The following CTDSPL2 variants were observed in gnomAD, a reference collection of about 807,000 sequenced individuals.
CTDSPL2 encodes CTD small phosphatase like 2, also known as CTD small phosphatase-like protein 2.
A neutral mutation model predicts 60.0 loss-of-function variants in CTDSPL2; 5 were observed. That is an observed-to-expected ratio of 0.08 (90% confidence interval 0.04 to 0.18). The LOEUF is 0.18. CTDSPL2 is among the 10% of genes least tolerant of loss of function. CTDSPL2 has a pLI of 1.00. For missense variants in CTDSPL2, 370 were observed against 548.8 expected (o/e 0.67, Z 3.26); for synonymous variants, 186 against 189.3 (o/e 0.98, Z 0.14).
chr15:44,465,493 G>T lies in CTDSPL2; in HGVS notation c.186+6293G>T, dbSNP rs1359768141. ...AGAAACACATGGCTAATACTTTCAT[G>T]TGAAACAAAAATCACCCTTAATTTA... is the stretch of plus-strand genomic sequence containing the variant. On this transcript the variant is annotated intron_variant, in intron 2 of 12. Coordinates refer to ENST00000260327, the MANE Select transcript of CTDSPL2 (RefSeq NM_016396.3). Among the ~76,000 whole-genome samples, 3 of 152,010 alleles carry T rather than the reference G, an allele frequency of 2.0e-5. No homozygotes were observed. In the East Asian group the frequency reaches 5.8e-4, roughly 29 times the overall value.
chr15:44,445,327 A>C (rs139432403), intron 1 of CTDSPL2, among the ~76,000 whole-genome samples: 2 of 152,050 alleles, frequency 1.3e-5, no homozygotes, highest in East Asian at 3.9e-4. Flanking sequence ...AGTTGGGACT[A>C]TAGGCATGCA....
intron 1 of CTDSPL2, among the ~76,000 whole-genome samples, chr15:44,430,681 G>A (rs2079839028): frequency 1.3e-5 from 2 of 152,186 alleles, no homozygotes; most frequent in East Asian, 1.9e-4. Context: ...GCATAAAGTA[G>A]AAAAGACACT....
chr15:44,456,613 C>T (rs915810254), intron 1 of CTDSPL2, among the ~76,000 whole-genome samples: 11 of 151,904 alleles, frequency 7.2e-5, no homozygotes, highest in Non-Finnish European at 1.5e-5. Context: ...TTTTTTACTG[C>T]GTCTATTTGA....
intron 1 of CTDSPL2, among the ~76,000 whole-genome samples, chr15:44,433,487 C>CT (rs2079906626): frequency 7.3e-6 from 1 of 137,060 alleles, no homozygotes; most frequent in South Asian, 2.3e-4. Context: ...CACACACACA[C>CT]TTTTTTTTCT....
intron 8 of CTDSPL2, chr15:44,501,895 G>A (rs1387933369): frequency 4.7e-6 from 2 of 422,120 alleles, no homozygotes; most frequent in Non-Finnish European, 9.3e-6. Context: ...CTTTGGGTTA[G>A]GGTTCCCCCA....
intron 1 of CTDSPL2, among the ~76,000 whole-genome samples, chr15:44,454,848 A>C (rs1393078180): frequency 6.6e-6 from 1 of 152,198 alleles, no homozygotes; most frequent in Non-Finnish European, 1.5e-5. Context: ...TATAGTTTGA[A>C]GTCAGGTAGC....
At chr15:44,503,787 GT>G (rs2081415661) in intron 8 of CTDSPL2, 1 of 152,246 alleles carries the variant, frequency 6.6e-6, no homozygotes, top group Non-Finnish European at 1.5e-5. Context: ...TAGCCAGTCA[GT>G]GGCTTTCTGA....
chr15:44,498,133 TCTG>T (rs1448509279), intron 7 of CTDSPL2, among the ~76,000 whole-genome samples: 1 of 152,218 alleles, frequency 6.6e-6, no homozygotes, highest in Non-Finnish European at 1.5e-5. Context: ...ATTTTTAAAA[TCTG>T]TTTACTTTTT....
intron 1 of CTDSPL2, among the ~76,000 whole-genome samples, chr15:44,454,661 C>T (rs1289164149): frequency 6.6e-6 from 1 of 152,172 alleles, no homozygotes; most frequent in African/African-American, 2.4e-5. Context: ...CCAGTTTTCC[C>T]AGGACCGTTT....
At position 44,524,202 on chromosome 15, in the gene CTDSPL2, G is replaced by GGGGAGAGA; in HGVS notation, c.*29_*36dup. ...ACAAAGACTTGTCAAATCACTGAAG[G>GGGGAGAGA]GGGAGAGAATGCAGGACCCTTTTGG... On this transcript the variant is annotated 3_prime_UTR_variant, in exon 13 of 13. Coordinates refer to ENST00000260327, the MANE Select transcript of CTDSPL2 (RefSeq NM_016396.3). The GGGGAGAGA allele has an allele frequency of 6.3e-7, 1 of 1,587,344 alleles. No homozygotes were observed. The highest frequency in any genetic ancestry group is 8.6e-7 in the Non-Finnish European group (1 of 1,156,196).
intron 8 of CTDSPL2, among the ~76,000 whole-genome samples, chr15:44,506,283 G>A (rs907665397): frequency 6.6e-6 from 1 of 151,514 alleles, no homozygotes; most frequent in African/African-American, 2.4e-5. Flanking sequence ...GCCCACCTCG[G>A]CCTCCCAAAA....
At chr15:44,489,382 C>CT (rs1304730340) in intron 4 of CTDSPL2, among the ~76,000 whole-genome samples, 1 of 152,028 alleles carries the variant, frequency 6.6e-6, no homozygotes, top group Non-Finnish European at 1.5e-5. Context: ...ACCACGAAGT[C>CT]TAACTAGATG....
intron 8 of CTDSPL2, among the ~76,000 whole-genome samples, chr15:44,500,116 C>T (rs1441945277): frequency 2.6e-5 from 4 of 152,184 alleles, no homozygotes; most frequent in Admixed American, 6.5e-5. Flanking sequence ...TCAAGAGGAA[C>T]TTGCCAGGTT....
In CTDSPL2 at chr15:44,525,697, G is replaced by C; in HGVS notation, c.*1523G>C. Reference sequence around the variant, plus strand: ...CAACTTACTGTACAAATTACATGCAGCTTCATTTTCAAATGAATCCTTAAA... The same window carrying C: ...CAACTTACTGTACAAATTACATGCACCTTCATTTTCAAATGAATCCTTAAA... On this transcript the variant is annotated 3_prime_UTR_variant, in exon 13 of 13. Coordinates refer to ENST00000260327, the MANE Select transcript of CTDSPL2 (RefSeq NM_016396.3). 1 of 387,282 alleles carries C rather than the reference G, an allele frequency of 2.6e-6. No homozygotes were observed. The highest frequency in any genetic ancestry group is 4.6e-6 in the Non-Finnish European group (1 of 219,032). 24.0% of individuals were successfully genotyped at this position (387,282 alleles called of 1,614,324 possible). A position where few individuals can be genotyped will look rare whatever the true frequency, so the allele number is the denominator to read the frequency against.
At chr15:44,453,889 T>C (rs2080381870) in intron 1 of CTDSPL2, among the ~76,000 whole-genome samples, 1 of 152,170 alleles carries the variant, frequency 6.6e-6, no homozygotes, top group African/African-American at 2.4e-5. Context: ...TAAACATACG[T>C]GTGCATGTGT....
chr15:44,438,263 CA>C (rs35595063), intron 1 of CTDSPL2, among the ~76,000 whole-genome samples: 196 of 102,086 alleles, frequency 1.9e-3, no homozygotes, highest in Middle Eastern at 5.9e-3. Context: ...GACTCCGTCT[CA>C]AAAAAAAAAA....
chr15:44,455,208 T>C lies in CTDSPL2; in HGVS notation c.-24-3783T>C, dbSNP rs528744823. Among the ~76,000 whole-genome samples the C allele has an allele frequency of 6.6e-5, 10 of 152,318 alleles. No individual in the cohort carries two copies. The South Asian group carries it at 1.0e-3, about 16-fold the overall frequency. On this transcript the variant is annotated intron_variant, in intron 1 of 12. Transcript: ENST00000260327. ...GCAATTGTGAATGGGAATTCACTCA[T>C]GATTTGGCTCTCTGTCTGTTATTGG...
rs1450856100 is a variant in CTDSPL2, at chr15:44,432,229, T to G, written c.-25+4457T>G. On this transcript the variant is annotated intron_variant, in intron 1 of 12. Coordinates refer to ENST00000260327, the MANE Select transcript of CTDSPL2 (RefSeq NM_016396.3). Reference sequence around the variant, plus strand: ...ATTGTAAGACCTTAAAGACAAATATTTTAATGAAGGTCACAATAGGCCAGT... The same window carrying G: ...ATTGTAAGACCTTAAAGACAAATATGTTAATGAAGGTCACAATAGGCCAGT... Among the ~76,000 whole-genome samples the G allele has an allele frequency of 7.2e-5, 11 of 152,152 alleles. No individual in the cohort carries two copies. In the East Asian group the frequency reaches 2.1e-3, roughly 29 times the overall value.
chr15:44,517,292 C>G (rs1178161068), intron 10 of CTDSPL2: 1 of 146,076 alleles, frequency 6.8e-6, no homozygotes, highest in East Asian at 2.0e-4. Flanking sequence ...AGGCGGATCA[C>G]GAGGTCAGGA....
Sources: gnomAD v4.1 joint callset for allele counts (sites outside exome capture counted in the v4.1 genomes callset) on GRCh38, gnomAD v4.1.1 for gene constraint, MANE v1.5 for transcripts, NCBI Gene and HGNC (gene_info 2026-07-23, HGNC 2026-07-21) for gene names.